Variants in SNAPC3 observed in about 807,000 individuals in gnomAD.
The protein encoded by SNAPC3 is small nuclear RNA activating complex polypeptide 3.
SNAPC3 carries 56 observed loss-of-function variants against 47.7 expected under a neutral mutation model. That is an observed-to-expected ratio of 1.18 (90% CI 0.95 to 1.47). The LOEUF (loss-of-function observed/expected upper bound fraction) is 1.47. SNAPC3 is among the 40% of genes most tolerant of loss of function. SNAPC3 has a pLI of 0.00. For missense variants in SNAPC3, 665 were observed against 511.3 expected (o/e 1.30, Z -2.90); for synonymous variants, 235 against 189.9 (o/e 1.24, Z -1.95).
intron 3 of SNAPC3, among the ~76,000 whole-genome samples, chr9:15,441,639 C>T (rs1335942362): frequency 6.6e-6 from 1 of 151,906 alleles, no homozygotes; most frequent in Non-Finnish European, 1.5e-5. Context: ...TAACAAAGCA[C>T]ATCTTGCACC....
downstream of SNAPC3, chr9:15,463,620 C>G (rs1210491760): frequency 2.0e-5 from 3 of 151,942 alleles, no homozygotes; most frequent in East Asian, 5.8e-4. Context: ...TTTCAATGAT[C>G]CTGAAAGTTC....
downstream of SNAPC3, chr9:15,466,035 G>C (rs1046388): frequency 0.24 from 36,322 of 154,086 alleles, 7,274 homozygotes; most frequent in African/African-American, 0.55. Context: ...GTGGAACAAA[G>C]CAAGACTTCA....
chr9:15,437,429 C>T (rs767644379), intron 3 of SNAPC3, among the ~76,000 whole-genome samples: 5 of 152,056 alleles, frequency 3.3e-5, no homozygotes, highest in Non-Finnish European at 7.4e-5. Flanking sequence ...CACAGAGTTT[C>T]ACCATGTTGG....
At chr9:15,424,546 C>A (rs938906959) in intron 2 of SNAPC3, among the ~76,000 whole-genome samples, 1 of 151,222 alleles carries the variant, frequency 6.6e-6, no homozygotes, top group African/African-American at 2.5e-5. Flanking sequence ...AAGACAAACA[C>A]AATATAAGTT....
At chr9:15,448,430 C>A (rs1342213582) in intron 5 of SNAPC3, among the ~76,000 whole-genome samples, 2 of 152,218 alleles carry the variant, frequency 1.3e-5, no homozygotes, top group East Asian at 3.8e-4. Flanking sequence ...TTCCCTACTT[C>A]ATCCGTTTTG....
chr9:15,428,004 G>A (rs1048136993), intron 2 of SNAPC3, among the ~76,000 whole-genome samples: 6 of 151,580 alleles, frequency 4.0e-5, no homozygotes, highest in Non-Finnish European at 8.8e-5. Context: ...CCAGCTACTC[G>A]GGAGGCTGAG....
At chr9:15,433,008 A>T (rs556014432) in intron 2 of SNAPC3, among the ~76,000 whole-genome samples, 2 of 152,214 alleles carry the variant, frequency 1.3e-5, no homozygotes, top group South Asian at 4.1e-4. Flanking sequence ...AAGATGTCAT[A>T]TTAATATCAT....
chr9:15,440,948 CAA>C (rs1199527486), intron 3 of SNAPC3, among the ~76,000 whole-genome samples: 51 of 121,632 alleles, frequency 4.2e-4, no homozygotes, highest in Middle Eastern at 4.2e-3. Flanking sequence ...GACTCCGTCT[CAA>C]AAAAAAAAAA....
At chr9:15,428,980 C>A (rs990472800) in intron 2 of SNAPC3, among the ~76,000 whole-genome samples, 1 of 151,604 alleles carries the variant, frequency 6.6e-6, no homozygotes, top group African/African-American at 2.4e-5. Flanking sequence ...GAAAAAAAAA[C>A]TAAATCTAGA....
At chr9:15,454,966 G>T (rs994352981) in intron 7 of SNAPC3, among the ~76,000 whole-genome samples, 1 of 152,022 alleles carries the variant, frequency 6.6e-6, no homozygotes, top group Non-Finnish European at 1.5e-5. Flanking sequence ...TTAAGCAAAT[G>T]CAAATGGGAG....
In SNAPC3 at chr9:15,451,193, A is replaced by T. The variant is rs954773932; in HGVS notation, c.733-127A>T. 3 of 328,010 alleles carry T rather than the reference A, an allele frequency of 9.1e-6. No homozygotes were observed. In the East Asian group the frequency reaches 1.1e-4, roughly 12 times the overall value. 20.3% of individuals were successfully genotyped at this position (328,010 alleles called of 1,614,324 possible). On this transcript the variant is annotated intron_variant, in intron 5 of 8. Transcript: ENST00000380821. ...TATAACAGCAATAGGGTAAAATTGA[A>T]AATAGTAGCAGTTTTTTAACACATA...
chr9:15,447,480 C>T (rs373139367), intron 5 of SNAPC3, among the ~76,000 whole-genome samples: 17 of 151,582 alleles, frequency 1.1e-4, no homozygotes, highest in African/African-American at 3.9e-4. Context: ...GAGACTTTTC[C>T]TTCTGGGCTA....
chr9:15,423,340 G>T, intron 1 of SNAPC3, 147 bp downstream of exon 1: 1 of 811,854 alleles, frequency 1.2e-6, no homozygotes, highest in East Asian at 3.3e-5. Flanking sequence ...TCAACCCGCT[G>T]GAGCCTTCCT....
In SNAPC3 at chr9:15,460,459, C is replaced by T. The variant is rs553170057; in HGVS notation, c.*593C>T. The T allele has an allele frequency of 6.6e-6, 1 of 152,246 alleles. No individual in the cohort carries two copies. The highest frequency in any genetic ancestry group is 1.5e-5 in the Non-Finnish European group (1 of 68,056). 9.4% of individuals were successfully genotyped at this position (152,246 alleles called of 1,614,324 possible). A position where few individuals can be genotyped will look rare whatever the true frequency, so the allele number is the denominator to read the frequency against. ...AGGCTGGAATACAGTGGCGCAATCT[C>T]AGCTCACTGCAGCCTCCGCCTCCCG... On this transcript the variant is annotated 3_prime_UTR_variant, in exon 9 of 9. Coordinates refer to ENST00000380821, the MANE Select transcript of SNAPC3 (RefSeq NM_001039697.2).
intron 3 of SNAPC3, among the ~76,000 whole-genome samples, chr9:15,439,666 C>T (rs2033146684): frequency 6.6e-6 from 1 of 152,070 alleles, no homozygotes; most frequent in Non-Finnish European, 1.5e-5. Context: ...TCCCGAGTAG[C>T]TGGAACTACA....
chr9:15,425,931 G>A (rs956149228), intron 2 of SNAPC3, among the ~76,000 whole-genome samples: 1 of 152,096 alleles, frequency 6.6e-6, no homozygotes, highest in Admixed American at 6.5e-5. Context: ...GTGCGATCCC[G>A]GCTCACGGCA....
intron 3 of SNAPC3, among the ~76,000 whole-genome samples, chr9:15,440,044 A>G (rs2033185150): frequency 1.3e-5 from 2 of 152,200 alleles, no homozygotes; most frequent in Non-Finnish European, 2.9e-5. Context: ...TTGTTTCTAT[A>G]ATATTCAAAT....
Position 15,444,614 on chromosome 9 carries a change from A to G in SNAPC3, c.490A>G (p.Ile164Val), listed in dbSNP as rs774615578. Reference protein sequence around the residue: ...TFVYEMESHAIGKKPENSADM... With the variant: ...TFVYEMESHAVGKKPENSADM... ...TTTCTTTCTTCAGGAGTCACATGCC[A>G]TAGGAAAAAAGCCTGAAAATTCAGC... Residue 164 changes from isoleucine (I) to valine (V), a missense_variant, in exon 4 of 9, where the codon ATA (isoleucine) becomes GTA (valine). By Grantham distance (29) the Ile-to-Val change is conservative (BLOSUM62 3). Transcript: ENST00000380821. The G allele has an allele frequency of 1.4e-5, 23 of 1,608,404 alleles. No individual in the cohort carries two copies. The highest frequency in any genetic ancestry group is 4.0e-5 in the African/African-American group (3 of 74,784).
At chr9:15,432,889 T>TAACAA in intron 2 of SNAPC3, among the ~76,000 whole-genome samples, 1 of 152,204 alleles carries the variant, frequency 6.6e-6, no homozygotes, top group African/African-American at 2.4e-5. Flanking sequence ...AAACAAGATT[T>TAACAA]GCATAGTGTC....
Sources: allele counts gnomAD v4.1 joint callset (sites outside exome capture counted in the v4.1 genomes callset), GRCh38; gene constraint gnomAD v4.1.1; transcripts MANE v1.5; gene names NCBI Gene and HGNC (gene_info 2026-07-23, HGNC 2026-07-21).